TTC7B: variants seen among roughly 807,000 people sequenced by gnomAD.
TTC7B encodes the protein tetratricopeptide repeat protein 7B.
A neutral mutation model predicts 106.8 loss-of-function variants in TTC7B; 28 were observed. That is an observed-to-expected ratio of 0.26 (90% CI 0.19 to 0.36). TTC7B has a LOEUF of 0.36. Among genes scored for constraint, TTC7B ranks in the 10% least tolerant of loss-of-function variants. The pLI is 1.00. For synonymous variants in TTC7B, 405 were observed against 430.6 expected (o/e 0.94, Z 0.74); for missense variants, 862 against 1,076.4 (o/e 0.80, Z 2.79).
chr14:90,638,497 GA>G (rs1885039265), intron 15 of TTC7B, among the ~76,000 whole-genome samples: 1 of 152,058 alleles, frequency 6.6e-6, no homozygotes, highest in Non-Finnish European at 1.5e-5. Flanking sequence ...ATAAAAGCAT[GA>G]AAAATTTTTT....
Position 90,630,904 on chromosome 14 carries a change from G to A in TTC7B, c.1752-12859C>T, listed in dbSNP as rs191193639. Among the ~76,000 whole-genome samples the A allele has an allele frequency of 5.4e-3, 810 of 149,230 alleles. 5 individuals are homozygous for A. Among genetic ancestry groups the A allele is most frequent in the Non-Finnish European group, 7.8e-3 (530 of 67,652 alleles). On this transcript the variant is annotated intron_variant, in intron 15 of 19. Coordinates refer to ENST00000328459, the MANE Select transcript of TTC7B (RefSeq NM_001010854.2). ...GGCTGGAGTGCAGTGGCATGATCTC[G>A]GCTCACTGCAAGCTCTGCCTCCTGG... is the stretch of plus-strand genomic sequence containing the variant.
At chr14:90,718,045 C>A (rs928967458) in intron 5 of TTC7B, among the ~76,000 whole-genome samples, 2 of 152,270 alleles carry the variant, frequency 1.3e-5, no homozygotes, top group Non-Finnish European at 2.9e-5. Flanking sequence ...TTTCAATGGT[C>A]TGCCCTTGAG....
At chr14:90,561,997 G>A (rs895581331) in intron 19 of TTC7B, among the ~76,000 whole-genome samples, 15 of 152,138 alleles carry the variant, frequency 9.9e-5, no homozygotes, top group African/African-American at 3.6e-4. Context: ...TTCTGTCCTA[G>A]GCCCTTTCTC....
At chr14:90,545,575 G>T (rs559291987) in intron 19 of TTC7B, among the ~76,000 whole-genome samples, 1 of 152,230 alleles carries the variant, frequency 6.6e-6, no homozygotes, top group African/African-American at 2.4e-5. Flanking sequence ...GAAAGTGGAT[G>T]GGTGAGATGT....
chr14:90,543,410 C>G (rs1383071928), intron 19 of TTC7B, among the ~76,000 whole-genome samples: 1 of 152,204 alleles, frequency 6.6e-6, no homozygotes, highest in African/African-American at 2.4e-5. Context: ...AAGGCACTGC[C>G]TCCATCCTAG....
Position 90,816,236 on chromosome 14 carries a change from C to A in TTC7B, c.60G>T (p.Glu20Asp). ...GCTCAGGGATCCGCTCCCACTGGCA[C>A]TCGGAGCGGCAGCGCTCGATCTCCG... ...LETEIERCRS[E>D]CQWERIPELV... The change falls in exon 1 of 20, where the codon GAG becomes GAT. Residue 20 changes from glutamate to aspartate, a missense_variant. Physicochemically the swap from Glu to Asp is conservative, Grantham distance 45. Coordinates refer to ENST00000328459, the MANE Select transcript of TTC7B (RefSeq NM_001010854.2). 7.9e-7 allele frequency: 1 copy of A among 1,270,356 alleles called. No homozygotes were observed. Among genetic ancestry groups the A allele is most frequent in the South Asian group, 1.3e-5 (1 of 79,172 alleles). 78.7% of individuals were successfully genotyped at this position (1,270,356 alleles called of 1,614,324 possible). A position where few individuals can be genotyped will look rare whatever the true frequency, so the allele number is the denominator to read the frequency against.
chr14:90,551,910 G>A (rs1327363093), intron 19 of TTC7B, among the ~76,000 whole-genome samples: 1 of 152,248 alleles, frequency 6.6e-6, no homozygotes, highest in African/African-American at 2.4e-5. Context: ...ATGCGTGGGT[G>A]GGGTGGGGGC....
Position 90,600,515 on chromosome 14 carries a change from G to A in TTC7B, c.1967-6889C>T, listed in dbSNP as rs1267990113. 6.6e-6 allele frequency among the ~76,000 whole-genome samples: 1 copy of A among 152,200 alleles called. No individual in the cohort carries two copies. Among genetic ancestry groups the A allele is most frequent in the African/African-American group, 2.4e-5 (1 of 41,454 alleles). ...TTCCATTTTTCACCAAGTGAAAAAAGGATTAAGACTCATAGCCCCAAGACG... is the reference window on the plus strand; with the variant it reads ...TTCCATTTTTCACCAAGTGAAAAAAAGATTAAGACTCATAGCCCCAAGACG... On this transcript the variant is annotated intron_variant, in intron 17 of 19. Coordinates refer to ENST00000328459, the MANE Select transcript of TTC7B (RefSeq NM_001010854.2). The surrounding 1 kb of genome is among the most constrained non-coding windows in gnomAD (Gnocchi z 4.3).
Position 90,525,488 on chromosome 14 carries a change from T to G in TTC7B, c.*15880A>C, listed in dbSNP as rs2139743638. ...TTCTGAGGCCTCGGACCGCACCGCTTTCGCCCTGCGGCCCGGCTCGGTAGC... is the reference window on the plus strand; with the variant it reads ...TTCTGAGGCCTCGGACCGCACCGCTGTCGCCCTGCGGCCCGGCTCGGTAGC... On this transcript the variant is annotated 3_prime_UTR_variant, in exon 20 of 20. Transcript: ENST00000328459. The G allele has an allele frequency of 6.9e-6, 1 of 144,484 alleles. No homozygotes were observed. The highest frequency in any genetic ancestry group is 2.2e-4 in the South Asian group (1 of 4,588). The allele number at this position is 144,484 out of a possible 1,614,324, so 9.0% of individuals were successfully genotyped here.
At chr14:90,668,636 T>G (rs1886507190) in intron 9 of TTC7B, among the ~76,000 whole-genome samples, 1 of 152,128 alleles carries the variant, frequency 6.6e-6, no homozygotes, top group Non-Finnish European at 1.5e-5. Flanking sequence ...GATCTTATTA[T>G]TATCTATGTT....
chr14:90,573,073 C>T (rs1371160591), intron 19 of TTC7B, among the ~76,000 whole-genome samples: 1 of 152,216 alleles, frequency 6.6e-6, no homozygotes, highest in Non-Finnish European at 1.5e-5. Flanking sequence ...CACAGCCCCT[C>T]TGCCATCTTC....
chr14:90,674,513 G>A (rs567347778), intron 9 of TTC7B, among the ~76,000 whole-genome samples: 16 of 152,312 alleles, frequency 1.1e-4, no homozygotes, highest in African/African-American at 3.4e-4. Context: ...TGCTGGGCCC[G>A]CCCCCGTCAG....
chr14:90,758,323 CGGCGG>C (rs1215994490), intron 3 of TTC7B, among the ~76,000 whole-genome samples: 2 of 117,578 alleles, frequency 1.7e-5, no homozygotes, highest in South Asian at 3.2e-4. Flanking sequence ...GGCTCCAGGA[CGGCGG>C]GGCGGGGCGG....
In TTC7B at chr14:90,658,661, T is replaced by TA. The variant is rs1486991025; in HGVS notation, c.1153-275dup. 8.6e-5 allele frequency among the ~76,000 whole-genome samples: 13 copies of TA among 152,018 alleles called. No homozygotes were observed. The East Asian group carries it at 2.1e-3, about 25-fold the overall frequency. ...TATCTGGCACAGGAAAAGAGGCAAATACACCAACAACACAAAGACAAAGAC... is the reference window on the plus strand; with the variant it reads ...TATCTGGCACAGGAAAAGAGGCAAATAACACCAACAACACAAAGACAAAGAC... On this transcript the variant is annotated intron_variant, in intron 9 of 19. Coordinates refer to ENST00000328459, the MANE Select transcript of TTC7B (RefSeq NM_001010854.2).
chr14:90,590,552 G>A (rs1891912438), intron 18 of TTC7B, among the ~76,000 whole-genome samples: 1 of 152,128 alleles, frequency 6.6e-6, no homozygotes, highest in South Asian at 2.1e-4. Flanking sequence ...AAAACTTATG[G>A]GCTCTGGCAG....
chr14:90,806,157 G>A (rs753643528), intron 1 of TTC7B, among the ~76,000 whole-genome samples: 7 of 152,178 alleles, frequency 4.6e-5, no homozygotes, highest in Non-Finnish European at 8.8e-5. Context: ...AAAAAGCCTC[G>A]CCCTCCCGGG....
At chr14:90,635,136 CT>C (rs895431719) in intron 15 of TTC7B, among the ~76,000 whole-genome samples, 5 of 152,300 alleles carry the variant, frequency 3.3e-5, no homozygotes, top group Admixed American at 3.3e-4. Flanking sequence ...TGAAAAACTT[CT>C]TTGGACAGCA....
chr14:90,599,246 C>G lies in TTC7B; in HGVS notation c.1967-5620G>C, dbSNP rs552852159. 1.5e-4 allele frequency among the ~76,000 whole-genome samples: 23 copies of G among 152,286 alleles called. 1 individual carries two copies. In the South Asian group the frequency reaches 3.5e-3, roughly 23 times the overall value. ...TGTATTTGTCACACGCAAGTGTTGC[C>G]GAATAAATAGGATATATTATATTCC... On this transcript the variant is annotated intron_variant, in intron 17 of 19. Transcript: ENST00000328459.
intron 3 of TTC7B, among the ~76,000 whole-genome samples, chr14:90,773,421 G>A (rs978619513): frequency 2.6e-5 from 4 of 152,190 alleles, no homozygotes; most frequent in African/African-American, 9.7e-5. Flanking sequence ...AGTGGAAAGA[G>A]TATGGATGCT....
Sources: gnomAD v4.1 joint callset for allele counts (sites outside exome capture counted in the v4.1 genomes callset) on GRCh38, gnomAD v4.1.1 for gene constraint, Gnocchi (gnomAD v3.1) non-coding constraint, MANE v1.5 for transcripts, NCBI Gene and HGNC (gene_info 2026-07-23, HGNC 2026-07-21) for gene names.